LANCL2: variants seen among roughly 807,000 people sequenced by gnomAD.
The protein encoded by LANCL2 is lanC-like protein 2.
LANCL2 carries 33 observed loss-of-function variants against 56.9 expected under a neutral mutation model. That is an observed-to-expected ratio of 0.58 (90% CI 0.44 to 0.78). The LOEUF is 0.78. Among genes scored for constraint, LANCL2 ranks in the 30% least tolerant of loss-of-function variants. LANCL2 has a pLI of 0.00. For missense variants in LANCL2, 562 were observed against 580.2 expected (o/e 0.97, Z 0.32); for synonymous variants, 233 against 228.2 (o/e 1.02, Z -0.19).
In LANCL2 at chr7:55,417,226, G is replaced by A. The variant is rs143349276; in HGVS notation, c.1008+5137G>A. Among the ~76,000 whole-genome samples the A allele has an allele frequency of 1.7e-4, 26 of 151,998 alleles. No individual in the cohort carries two copies. The East Asian group carries it at 3.9e-3, about 23-fold the overall frequency. On this transcript the variant is annotated intron_variant, in intron 6 of 8. Transcript: ENST00000254770. ...TATCTCCTAACCTCATGATCTGCCC[G>A]CCTCGGCCTCCCAAAGTGCTGGGAT...
At chr7:55,379,704 T>C (rs1392286715) in intron 1 of LANCL2, 1 of 152,668 alleles carries the variant, frequency 6.6e-6, no homozygotes, top group Non-Finnish European at 1.5e-5. Context: ...GTCAAAAAGT[T>C]TTTAAGAAGT....
At chr7:55,400,858 G>A (rs1790313932) in intron 4 of LANCL2, among the ~76,000 whole-genome samples, 1 of 152,152 alleles carries the variant, frequency 6.6e-6, no homozygotes, top group Non-Finnish European at 1.5e-5. Context: ...CTGCAGCTAC[G>A]AAGCAACTAA....
rs1465252156 is a variant in LANCL2, at chr7:55,399,661, TA to T, written c.531-293del. ...CCCGGCCTGCAGTACCATTTTTATTTAAATTTTAAATCACTTTCTTTTACTT... is the reference window on the plus strand; with the variant it reads ...CCCGGCCTGCAGTACCATTTTTATTTAATTTTAAATCACTTTCTTTTACTT... On this transcript the variant is annotated intron_variant, in intron 3 of 8. Coordinates refer to ENST00000254770, the MANE Select transcript of LANCL2 (RefSeq NM_018697.4). Among the ~76,000 whole-genome samples the T allele has an allele frequency of 2.0e-5, 3 of 152,192 alleles. No homozygotes were observed. The East Asian group carries it at 5.8e-4, about 29-fold the overall frequency.
chr7:55,400,022 G>A lies in LANCL2; in HGVS notation c.596G>A (p.Gly199Glu). The A allele has an allele frequency of 6.2e-7, 1 of 1,613,958 alleles. No individual in the cohort carries two copies. The highest frequency in any genetic ancestry group is 8.5e-7 in the Non-Finnish European group (1 of 1,179,904). ...GACCTTCCTGATGAGCTGCTTTATG[G>A]ACGGGCAGGTTATCTGTATGCCTTA... ...ESDLPDELLY[G>E]RAGYLYALLY... is the part of the protein sequence containing the mutation. The change falls in exon 4 of 9, where the codon GGA becomes GAA. Residue 199 changes from glycine to glutamate, a missense_variant. Transcript: ENST00000254770.
chr7:55,394,803 A>T (rs545538319), intron 2 of LANCL2, among the ~76,000 whole-genome samples: 26 of 117,600 alleles, frequency 2.2e-4, no homozygotes, highest in African/African-American at 6.9e-4. Context: ...CCTCAGTGGG[A>T]ACTTCTGTGG....
At chr7:55,419,181 A>G (rs544994778) in intron 6 of LANCL2, among the ~76,000 whole-genome samples, 9 of 152,170 alleles carry the variant, frequency 5.9e-5, no homozygotes, top group East Asian at 1.9e-4. Context: ...TTTGTGTACA[A>G]TTGGTGTTAT....
At chr7:55,416,976 T>G (rs1231176657) in intron 6 of LANCL2, among the ~76,000 whole-genome samples, 7 of 130,424 alleles carry the variant, frequency 5.4e-5, no homozygotes, top group Non-Finnish European at 8.0e-5. Flanking sequence ...GTGGTTTTTT[T>G]TTTTTTTTTT....
At chr7:55,401,065 C>T in intron 4 of LANCL2, 109 bp from the exon 5 acceptor site, 1 of 736,292 alleles carries the variant, frequency 1.4e-6, no homozygotes, top group Non-Finnish European at 2.1e-6. Flanking sequence ...TAGATTAAGG[C>T]TTCTGCCTCT....
At chr7:55,417,515 A>G (rs951869372) in intron 6 of LANCL2, among the ~76,000 whole-genome samples, 1 of 152,160 alleles carries the variant, frequency 6.6e-6, no homozygotes, top group Non-Finnish European at 1.5e-5. Context: ...CAGGTAACTT[A>G]AGACCTCACT....
intron 1 of LANCL2, among the ~76,000 whole-genome samples, chr7:55,375,431 T>G (rs1476474247): frequency 6.6e-6 from 1 of 152,218 alleles, no homozygotes; most frequent in Non-Finnish European, 1.5e-5. Flanking sequence ...CAGCACAGAA[T>G]GCCCCCCTGC....
rs1349413176 is a variant in LANCL2 at position 55,406,065 on chromosome 7, T to C, written c.825+4745T>C. On this transcript the variant is annotated intron_variant, in intron 5 of 8. Transcript: ENST00000254770. ...GCCTTGGGCTAGAAGCCAGAAATAT[T>C]CTGAGGGAGTGGAAAGGGAGCAGGA... 3.9e-5 allele frequency among the ~76,000 whole-genome samples: 6 copies of C among 152,266 alleles called. No homozygotes were observed. The East Asian group carries it at 9.6e-4, about 24-fold the overall frequency.
intron 1 of LANCL2, among the ~76,000 whole-genome samples, chr7:55,380,063 A>T (rs75575094): frequency 6.6e-6 from 1 of 152,206 alleles, no homozygotes; most frequent in East Asian, 1.9e-4. Context: ...ATCGTAATTT[A>T]CTTATTACCT....
chr7:55,393,786 A>T (rs1485336059), intron 2 of LANCL2, among the ~76,000 whole-genome samples: 1 of 152,212 alleles, frequency 6.6e-6, no homozygotes, highest in Admixed American at 6.5e-5. Flanking sequence ...CAAACTTCAC[A>T]CTTATAAACC....
chr7:55,425,812 G>A (rs890360173), intron 7 of LANCL2, among the ~76,000 whole-genome samples: 8 of 152,124 alleles, frequency 5.3e-5, no homozygotes, highest in African/African-American at 1.9e-4. Context: ...CTGAGCTAAT[G>A]TGCAGATTGT....
chr7:55,428,231 G>A (rs1426133129), intron 7 of LANCL2, 144 bp from the exon 8 acceptor site: 4 of 690,744 alleles, frequency 5.8e-6, no homozygotes, highest in Non-Finnish European at 7.7e-6. Flanking sequence ...GGAAGAGGGG[G>A]TGCAGTAGCC....
chr7:55,370,984 T>C (rs981435334), intron 1 of LANCL2, among the ~76,000 whole-genome samples: 1 of 152,236 alleles, frequency 6.6e-6, no homozygotes, highest in Non-Finnish European at 1.5e-5. Flanking sequence ...AGAGGCAAAT[T>C]AATATATTCC....
At chr7:55,402,492 A>C (rs1583755610) in intron 5 of LANCL2, among the ~76,000 whole-genome samples, 1 of 127,050 alleles carries the variant, frequency 7.9e-6, no homozygotes, top group Non-Finnish European at 1.7e-5. Flanking sequence ...TCCTCCCAGT[A>C]GGGGCGGCCG....
rs978056112 is a variant in LANCL2 at position 55,425,277 on chromosome 7, G to A, written c.1032G>A (p.Leu344=). 9.9e-6 allele frequency: 16 copies of A among 1,614,036 alleles called. No individual in the cohort carries two copies. Among genetic ancestry groups the A allele is most frequent in the Admixed American group, 5.0e-5 (3 of 60,002 alleles). Residue 344 remains leucine (L), a synonymous_variant, in exon 7 of 9, where the codon TTG becomes TTA. Coordinates refer to ENST00000254770, the MANE Select transcript of LANCL2 (RefSeq NM_018697.4). ...AYKVFKEEKY[L]KEAMECSDVI... ...AGGTCTTTAAGGAGGAGAAGTACTT[G>A]AAAGAGGCCATGGAGTGTAGCGATG... is the stretch of plus-strand genomic sequence containing the variant.
chr7:55,403,641 G>A (rs1330719397), intron 5 of LANCL2, among the ~76,000 whole-genome samples: 2 of 137,692 alleles, frequency 1.5e-5, no homozygotes, highest in African/African-American at 2.8e-5. Flanking sequence ...GTGTGATCTC[G>A]GCTCACTGCA....
Sources: allele counts gnomAD v4.1 joint callset (sites outside exome capture counted in the v4.1 genomes callset), GRCh38; gene constraint gnomAD v4.1.1; transcripts MANE v1.5; gene names NCBI Gene and HGNC (gene_info 2026-07-23, HGNC 2026-07-21).